The following ARHGAP26 variants were observed in gnomAD, a reference collection of about 807,000 sequenced individuals.
ARHGAP26 encodes rho GTPase-activating protein 26.
In ARHGAP26, 38 loss-of-function variants were observed where a neutral mutation model predicts 104.8. The ratio of observed to expected loss-of-function variants is 0.36; its 90% CI spans 0.28 to 0.48. The LOEUF (loss-of-function observed/expected upper bound fraction) is 0.48, where lower values mean the gene tolerates loss of function less well. Among genes scored for constraint, ARHGAP26 ranks in the 20% least tolerant of loss-of-function variants. The probability of loss-of-function intolerance (pLI) is 0.99; values close to 1 mark genes in which losing one functional copy is unlikely to be tolerated. For missense variants in ARHGAP26, 704 were observed against 947.9 expected (o/e 0.74, Z 3.38); for synonymous variants, 341 against 340.0 (o/e 1.00, Z -0.03).
intron 12 of ARHGAP26, among the ~76,000 whole-genome samples, chr5:143,024,621 C>T (rs1780778505): frequency 6.6e-6 from 1 of 152,256 alleles, no homozygotes; most frequent in South Asian, 2.1e-4. Flanking sequence ...TTATTGAGTA[C>T]ATACTGGGGA....
intron 1 of ARHGAP26, among the ~76,000 whole-genome samples, chr5:142,787,992 A>ATTTTTT (rs373282890): frequency 4.1e-5 from 5 of 123,334 alleles, no homozygotes; most frequent in African/African-American, 1.6e-4. Flanking sequence ...TTATTAACCA[A>ATTTTTT]TTCTTTTTTT....
chr5:143,151,866 G>T (rs1799885027), intron 20 of ARHGAP26, among the ~76,000 whole-genome samples: 1 of 152,172 alleles, frequency 6.6e-6, no homozygotes, highest in Non-Finnish European at 1.5e-5. Flanking sequence ...TGAGGCAGGA[G>T]AATGGGTTGA....
chr5:142,815,420 G>A (rs955361105), intron 1 of ARHGAP26, among the ~76,000 whole-genome samples: 8 of 152,220 alleles, frequency 5.3e-5, no homozygotes, highest in African/African-American at 1.9e-4. Context: ...TTAGAGAACA[G>A]CAGTTACACT....
intron 9 of ARHGAP26, among the ~76,000 whole-genome samples, chr5:142,911,244 G>A (rs1761793039): frequency 6.6e-6 from 1 of 152,116 alleles, no homozygotes; most frequent in Non-Finnish European, 1.5e-5. Context: ...GCTGCTCTCA[G>A]GATACAAACG....
intron 13 of ARHGAP26, among the ~76,000 whole-genome samples, chr5:143,040,036 C>A (rs1359946292): frequency 6.6e-6 from 1 of 152,132 alleles, no homozygotes; most frequent in Non-Finnish European, 1.5e-5. Flanking sequence ...CAGAGATGAA[C>A]AGACTTCCCA....
chr5:142,788,363 T>A (rs1177052358), intron 1 of ARHGAP26, among the ~76,000 whole-genome samples: 2 of 152,094 alleles, frequency 1.3e-5, no homozygotes, highest in African/African-American at 4.8e-5. Flanking sequence ...TCCCACCCCA[T>A]TTTTTTGTTG....
At chr5:142,852,203 T>G (rs1252604708) in intron 1 of ARHGAP26, among the ~76,000 whole-genome samples, 4 of 152,222 alleles carry the variant, frequency 2.6e-5, no homozygotes, top group African/African-American at 9.6e-5. Flanking sequence ...TAGTTTGGCC[T>G]GCAGGGCCTC....
chr5:143,184,385 C>T (rs1804838626), intron 20 of ARHGAP26, among the ~76,000 whole-genome samples: 1 of 152,176 alleles, frequency 6.6e-6, no homozygotes, highest in African/African-American at 2.4e-5. Flanking sequence ...TGGTGATTCC[C>T]TGAGGGTTAT....
chr5:143,214,913 C>T (rs1810098486), intron 22 of ARHGAP26, among the ~76,000 whole-genome samples: 1 of 152,204 alleles, frequency 6.6e-6, no homozygotes, highest in Non-Finnish European at 1.5e-5. Flanking sequence ...TAAGCCTTTG[C>T]TCCATTAACT....
At chr5:143,205,894 C>G (rs956884972) in intron 20 of ARHGAP26, among the ~76,000 whole-genome samples, 4 of 152,092 alleles carry the variant, frequency 2.6e-5, no homozygotes, top group Admixed American at 6.5e-5. Flanking sequence ...CAGCAGTAAG[C>G]AAAACAAAAG....
At chr5:143,151,090 A>G (rs940546613) in intron 20 of ARHGAP26, among the ~76,000 whole-genome samples, 8 of 152,236 alleles carry the variant, frequency 5.3e-5, no homozygotes, top group African/African-American at 1.7e-4. Flanking sequence ...CAAAGAACCC[A>G]ATTAAAATAT....
At chr5:142,824,323 A>G (rs368236332) in intron 1 of ARHGAP26, among the ~76,000 whole-genome samples, 30 of 152,296 alleles carry the variant, frequency 2.0e-4, no homozygotes, top group Middle Eastern at 3.4e-3. Context: ...AGAGCTAAGC[A>G]TGGAGTAGGA....
chr5:143,114,171 A>C (rs1795128645), intron 17 of ARHGAP26, among the ~76,000 whole-genome samples: 1 of 152,196 alleles, frequency 6.6e-6, no homozygotes, highest in South Asian at 2.1e-4. Flanking sequence ...CTAGATAACC[A>C]TTCCCAGGAA....
intron 12 of ARHGAP26, among the ~76,000 whole-genome samples, chr5:143,034,424 A>G (rs1782324568): frequency 6.6e-6 from 1 of 152,228 alleles, no homozygotes; most frequent in Non-Finnish European, 1.5e-5. Flanking sequence ...CCATAAAAAT[A>G]AGTGAAGTAC....
intron 1 of ARHGAP26, among the ~76,000 whole-genome samples, chr5:142,863,673 C>T (rs544362913): frequency 6.6e-6 from 1 of 152,150 alleles, no homozygotes; most frequent in Non-Finnish European, 1.5e-5. Flanking sequence ...AGTCCAAACC[C>T]TTGCCTTGGA....
At chr5:143,078,023 T>C (rs1442640815) in intron 17 of ARHGAP26, among the ~76,000 whole-genome samples, 1 of 152,180 alleles carries the variant, frequency 6.6e-6, no homozygotes, top group African/African-American at 2.4e-5. Context: ...TCTACCACCA[T>C]TGAAATGAAC....
chr5:143,100,626 T>C (rs1186306244), intron 17 of ARHGAP26, among the ~76,000 whole-genome samples: 1 of 152,210 alleles, frequency 6.6e-6, no homozygotes, highest in Non-Finnish European at 1.5e-5. Flanking sequence ...CAGTTTTAGG[T>C]TTTGGACATA....
chr5:143,043,171 ATGT>A (rs1418068916), intron 14 of ARHGAP26, among the ~76,000 whole-genome samples: 3 of 152,180 alleles, frequency 2.0e-5, no homozygotes, highest in African/African-American at 7.2e-5. Context: ...ATTCCTTGTG[ATGT>A]TGTACAAGCA....
At chr5:143,027,281 C>T (rs1228943753) in intron 12 of ARHGAP26, among the ~76,000 whole-genome samples, 2 of 150,654 alleles carry the variant, frequency 1.3e-5, no homozygotes, top group African/African-American at 2.4e-5. Flanking sequence ...AAGTGATTAT[C>T]GTGCCTCAGC....
Sources: gnomAD v4.1 joint callset for allele counts (sites outside exome capture counted in the v4.1 genomes callset) on GRCh38, gnomAD v4.1.1 for gene constraint, MANE v1.5 for transcripts, NCBI Gene and HGNC (gene_info 2026-07-23, HGNC 2026-07-21) for gene names.